COL27A1: variants seen among roughly 807,000 people sequenced by gnomAD.
COL27A1 encodes collagen alpha-1(XXVII) chain.
In COL27A1, 106 loss-of-function variants were observed where a neutral mutation model predicts 251.3. The ratio of observed to expected loss-of-function variants is 0.42; its 90% CI spans 0.36 to 0.50. The LOEUF (loss-of-function observed/expected upper bound fraction) is 0.50. Ranked by LOEUF, COL27A1 falls within the 20% of genes least tolerant of loss-of-function variation. The pLI, the probability that COL27A1 is intolerant of heterozygous loss-of-function variation, is 0.00. For synonymous variants in COL27A1, 1,000 were observed against 986.3 expected (o/e 1.01, Z -0.26); for missense variants, 2,325 against 2,522.8 (o/e 0.92, Z 1.68).
rs544601225 is a variant in COL27A1, at chr9:114,233,673, C to A, written c.2565+1807C>A. 3.3e-5 allele frequency among the ~76,000 whole-genome samples: 5 copies of A among 152,250 alleles called. No homozygotes were observed. In the East Asian group the frequency reaches 9.7e-4, roughly 29 times the overall value. On this transcript the variant is annotated intron_variant, in intron 16 of 60. Transcript: ENST00000356083. ...CTTTGCAGAGCTGGTCTCAGCTCAGCGTTGCTTCAGGAACATGGAAATAAA... is the reference window on the plus strand; with the variant it reads ...CTTTGCAGAGCTGGTCTCAGCTCAGAGTTGCTTCAGGAACATGGAAATAAA...
At chr9:114,240,387 A>G (rs1468230340) in intron 20 of COL27A1, 47 bp from the exon 21 acceptor site, 6 of 1,605,046 alleles carry the variant, frequency 3.7e-6, no homozygotes, top group Non-Finnish European at 5.1e-6. Context: ...TGCGATGGAG[A>G]TGGAGGTACC....
Position 114,200,220 on chromosome 9 carries a change from C to A in COL27A1, c.2124+4208C>A, listed in dbSNP as rs556858613. 1.1e-3 allele frequency among the ~76,000 whole-genome samples: 168 copies of A among 152,298 alleles called. 1 individual carries two copies. The highest frequency in any genetic ancestry group is 3.3e-3 in the Admixed American group (51 of 15,304). On this transcript the variant is annotated intron_variant, in intron 7 of 60. Coordinates refer to ENST00000356083, the MANE Select transcript of COL27A1 (RefSeq NM_032888.4). ...TCCTCTCAAGAAACTTCTCCAGGCT[C>A]CCCTGCTTCTGCAGCCCATACCCAC...
chr9:114,283,212 G>A (rs1457454816), intron 39 of COL27A1, among the ~76,000 whole-genome samples: 5 of 152,166 alleles, frequency 3.3e-5, no homozygotes, highest in African/African-American at 7.2e-5. Flanking sequence ...CTGACATGAC[G>A]TCACTGAATG....
Position 114,168,485 on chromosome 9 carries a change from G to A in COL27A1, c.930G>A (p.Gln310=), listed in dbSNP as rs2135078263. Residue 310 remains glutamine, a synonymous_variant, in exon 3 of 61, where the codon CAG becomes CAA. Transcript: ENST00000356083. ...PQRTSPTNPH[Q]HMAVGGPAQT... ...GGACTAGCCCCACAAACCCTCACCA[G>A]CATATGGCGGTGGGAGGCCCAGCCC... 2 of 1,613,942 alleles carry A rather than the reference G, an allele frequency of 1.2e-6. No homozygotes were observed. Among genetic ancestry groups the A allele is most frequent in the Non-Finnish European group, 1.7e-6 (2 of 1,179,906 alleles).
chr9:114,205,876 C>G, intron 9 of COL27A1, 64 bp downstream of exon 9: 1 of 1,465,654 alleles, frequency 6.8e-7, no homozygotes, highest in South Asian at 1.2e-5. Flanking sequence ...ACAGGTGCCC[C>G]GAGGCAGAGG....
chr9:114,272,301 A>T (rs10982131), intron 36 of COL27A1: 24,979 of 152,210 alleles, frequency 0.16, 2,249 homozygotes, highest in African/African-American at 0.2. Flanking sequence ...CTTCTTGGAA[A>T]GTCCACTGAG....
At chr9:114,282,183 C>A in intron 37 of COL27A1, 94 bp from the exon 38 acceptor site, 1 of 1,159,982 alleles carries the variant, frequency 8.6e-7, no homozygotes, top group Non-Finnish European at 1.3e-6. Context: ...TGGCCATCTG[C>A]CTCCAGAGCC....
intron 37 of COL27A1, among the ~76,000 whole-genome samples, chr9:114,276,690 G>A (rs376886807): frequency 6.6e-6 from 1 of 152,174 alleles, no homozygotes; most frequent in Non-Finnish European, 1.5e-5. Flanking sequence ...TTGAGAAGAC[G>A]GAGGAACTCT....
Position 114,266,546 on chromosome 9 carries a change from G to A in COL27A1, c.3394-19G>A. 1 of 1,612,428 alleles carries A rather than the reference G, an allele frequency of 6.2e-7. No homozygotes were observed. Among genetic ancestry groups the A allele is most frequent in the Non-Finnish European group, 8.5e-7 (1 of 1,178,616 alleles). On this transcript the variant is annotated intron_variant, in intron 32 of 60. Coordinates refer to ENST00000356083, the MANE Select transcript of COL27A1 (RefSeq NM_032888.4). ...AGGCTGACCTCTCCCAACTGTCTGT[G>A]TGTCTGTCTGTCTTCCAGGGCCCTC...
At chr9:114,198,445 A>G (rs1451025595) in intron 7 of COL27A1, among the ~76,000 whole-genome samples, 1 of 152,220 alleles carries the variant, frequency 6.6e-6, no homozygotes, top group Non-Finnish European at 1.5e-5. Context: ...CTCAAGCCCC[A>G]TCGTGGTGAT....
intron 45 of COL27A1, 63 bp downstream of exon 45, chr9:114,289,358 G>A (rs1329570895): frequency 3.5e-5 from 51 of 1,469,252 alleles, no homozygotes; most frequent in Non-Finnish European, 4.3e-5. Flanking sequence ...CTGACCCACA[G>A]TCACACAGCA....
chr9:114,214,431 A>G (rs1255613809), intron 12 of COL27A1, among the ~76,000 whole-genome samples: 2 of 152,210 alleles, frequency 1.3e-5, no homozygotes, highest in Non-Finnish European at 2.9e-5. Flanking sequence ...GGGCCCGTGC[A>G]TGCGGCCTCC....
intron 14 of COL27A1, among the ~76,000 whole-genome samples, chr9:114,227,311 GTTT>G (rs5900077): frequency 3.1e-5 from 4 of 128,920 alleles, no homozygotes; most frequent in African/African-American, 3.0e-5. Flanking sequence ...AACCTTGAGT[GTTT>G]TTTTTTTTTT....
chr9:114,259,397 A>G (rs1030585537), intron 28 of COL27A1, among the ~76,000 whole-genome samples: 1 of 152,236 alleles, frequency 6.6e-6, no homozygotes, highest in Non-Finnish European at 1.5e-5. Context: ...TGTCACACAC[A>G]TTAACTCATT....
At chr9:114,180,489 C>A (rs1827816866) in intron 4 of COL27A1, among the ~76,000 whole-genome samples, 1 of 152,190 alleles carries the variant, frequency 6.6e-6, no homozygotes, top group Admixed American at 6.5e-5. Flanking sequence ...GCCACCCCAA[C>A]TCTCCCTGCC....
intron 37 of COL27A1, among the ~76,000 whole-genome samples, chr9:114,281,782 G>A (rs1835926384): frequency 6.6e-6 from 1 of 152,196 alleles, no homozygotes; most frequent in South Asian, 2.1e-4. Flanking sequence ...GCAAGGCGCA[G>A]CTGGGACCCT....
chr9:114,299,504 C>T (rs1430049860), intron 49 of COL27A1, among the ~76,000 whole-genome samples: 1 of 152,194 alleles, frequency 6.6e-6, no homozygotes, highest in Admixed American at 6.5e-5. Context: ...TGGAATCGTT[C>T]ACACTGGGTT....
intron 2 of COL27A1, among the ~76,000 whole-genome samples, chr9:114,164,968 C>T (rs1848727624): frequency 6.6e-6 from 1 of 152,188 alleles, no homozygotes; most frequent in South Asian, 2.1e-4. Context: ...ATTGTAACAC[C>T]TGTGCTATCT....
intron 2 of COL27A1, among the ~76,000 whole-genome samples, chr9:114,164,389 C>T (rs1308367957): frequency 6.6e-6 from 1 of 152,240 alleles, no homozygotes; most frequent in East Asian, 1.9e-4. Flanking sequence ...GTGCTGGTCA[C>T]ATTTGCCAGG....
Sources: allele counts gnomAD v4.1 joint callset (sites outside exome capture counted in the v4.1 genomes callset), GRCh38; gene constraint gnomAD v4.1.1; transcripts MANE v1.5; gene names NCBI Gene and HGNC (gene_info 2026-07-23, HGNC 2026-07-21).